The following GSE1 variants were observed in gnomAD, a reference collection of about 807,000 sequenced individuals.
GSE1 encodes genetic suppressor element 1.
A neutral mutation model predicts 112.6 loss-of-function variants in GSE1; 32 were observed. That is an observed-to-expected ratio of 0.28 (90% CI 0.21 to 0.38). The LOEUF (loss-of-function observed/expected upper bound fraction) is 0.38. Among genes scored for constraint, GSE1 ranks in the 10% least tolerant of loss-of-function variants. The pLI is 1.00. For missense variants in GSE1, 2,348 were observed against 1,699.2 expected, an observed-to-expected ratio of 1.38 and a Z score of -6.71; for synonymous variants, 1,115 against 735.6, an observed-to-expected ratio of 1.52 and a Z score of -8.35.
chr16:85,275,387 A>G (rs527324414), intron 1 of GSE1, among the ~76,000 whole-genome samples: 6 of 152,260 alleles, frequency 3.9e-5, no homozygotes, highest in Non-Finnish European at 8.8e-5. Flanking sequence ...CTGTCGGGAG[A>G]GCATGAGCCA....
chr16:85,569,776 T>C (rs944617079), intron 1 of GSE1, among the ~76,000 whole-genome samples: 10 of 152,210 alleles, frequency 6.6e-5, no homozygotes, highest in African/African-American at 1.4e-4. Context: ...GTGGCGTGCG[T>C]TGGGGAAAGC....
chr16:85,654,294 G>A lies in GSE1; in HGVS notation c.443G>A (p.Ser148Asn). The change falls in exon 4 of 16, where the codon AGC becomes AAC. Residue 148 changes from serine to asparagine, a missense_variant. Physicochemically the swap from Ser to Asn is conservative, Grantham distance 46 (BLOSUM62 1). Transcript: ENST00000253458. ...SESRQDAGSR[S>N]SSGGRERLIV... is the part of the protein sequence containing the mutation. ...CTCCCGCAGGATGCCGGCTCCAGGAGCAGCAGTGGAGGTCGGGAACGCCTC... is the reference window on the plus strand; with the variant it reads ...CTCCCGCAGGATGCCGGCTCCAGGAACAGCAGTGGAGGTCGGGAACGCCTC... 1.9e-6 allele frequency: 3 copies of A among 1,602,994 alleles called. No individual in the cohort carries two copies. The highest frequency in any genetic ancestry group is 2.6e-6 in the Non-Finnish European group (3 of 1,175,874).
At chr16:85,622,531 G>A (rs2048807121) in intron 1 of GSE1, among the ~76,000 whole-genome samples, 1 of 152,210 alleles carries the variant, frequency 6.6e-6, no homozygotes, top group African/African-American at 2.4e-5. Context: ...CTCCCACAGG[G>A]TTTACAGATA....
chr16:85,434,345 A>AATAATCATCATCATCATC (rs60129328), intron 2 of GSE1, among the ~76,000 whole-genome samples: 2 of 143,460 alleles, frequency 1.4e-5, no homozygotes, highest in African/African-American at 5.1e-5. Context: ...TAATAATAAT[A>AATAATCATCATCATCATC]ATCAGTGCCG....
intron 1 of GSE1, among the ~76,000 whole-genome samples, chr16:85,266,908 C>T (rs932072876): frequency 2.6e-5 from 4 of 152,148 alleles, no homozygotes; most frequent in African/African-American, 9.7e-5. Context: ...CCCTCTCCCC[C>T]TTGGTCCCCC....
At chr16:85,340,770 A>T (rs748012210) in intron 1 of GSE1, among the ~76,000 whole-genome samples, 6 of 151,670 alleles carry the variant, frequency 4.0e-5, no homozygotes, top group Non-Finnish European at 7.4e-5. Flanking sequence ...CAGCAGGTCA[A>T]GGGGTTTCTC....
chr16:85,187,334 C>T (rs1202331618), intron 1 of GSE1, among the ~76,000 whole-genome samples: 24 of 152,256 alleles, frequency 1.6e-4, no homozygotes, highest in Admixed American at 1.6e-3. Flanking sequence ...AGGGACAGAG[C>T]GACGCTGGGC....
At chr16:85,266,784 C>G (rs1054443129) in intron 1 of GSE1, among the ~76,000 whole-genome samples, 4 of 152,136 alleles carry the variant, frequency 2.6e-5, no homozygotes, top group Non-Finnish European at 5.9e-5. Context: ...CTAGTGGACT[C>G]TTGCAGGTAC....
intron 1 of GSE1, among the ~76,000 whole-genome samples, chr16:85,319,122 C>T (rs1241805300): frequency 1.3e-5 from 2 of 152,226 alleles, no homozygotes; most frequent in East Asian, 1.9e-4. Flanking sequence ...CGCTCACCCC[C>T]TCCCTTCTCC....
Position 85,426,439 on chromosome 16 carries a change from T to TGGAA in GSE1, c.2464+68811_2464+68814dup, listed in dbSNP as rs142082206. 3.7e-5 allele frequency among the ~76,000 whole-genome samples: 4 copies of TGGAA among 109,092 alleles called. No individual in the cohort carries two copies. In the East Asian group the frequency reaches 1.3e-3, roughly 34 times the overall value. 71.6% of individuals were successfully genotyped at this position (109,092 alleles called of 152,430 possible). On this transcript the variant is annotated intron_variant, in intron 2 of 2. Coordinates refer to the GSE1 transcript ENST00000637419. Reference sequence around the variant, plus strand: ...ATGAGTGAATGGATGAATGGGTGGGTGGAAGGAAGGAAGGAAGGGAGAAAG... The same window carrying TGGAA: ...ATGAGTGAATGGATGAATGGGTGGGTGGAAGGAAGGAAGGAAGGAAGGGAGAAAG...
rs146671571 is a variant in GSE1 at position 85,354,579 on chromosome 16, C to G, written c.2284-2884C>G. 6.7e-3 allele frequency among the ~76,000 whole-genome samples: 1,022 copies of G among 152,368 alleles called. 17 individuals carry two copies. The highest frequency in any genetic ancestry group is 0.023 in the African/African-American group (966 of 41,590). On this transcript the variant is annotated intron_variant, in intron 1 of 2. Transcript: ENST00000637419. ...GGGGCCTCTCAGCTTCTCTCTCCAG[C>G]AGAACCCTGGCCCCCCAGCTCCAGG...
intron 2 of GSE1, among the ~76,000 whole-genome samples, chr16:85,479,188 ATTTT>A (rs59825091): frequency 7.3e-5 from 6 of 82,498 alleles, no homozygotes; most frequent in African/African-American, 1.6e-4. Flanking sequence ...TGCCCGGCTA[ATTTT>A]TTTTTTTTTT....
chr16:85,340,868 G>T (rs28465210), intron 1 of GSE1, among the ~76,000 whole-genome samples: 5,014 of 152,258 alleles, frequency 0.033, 299 homozygotes, highest in African/African-American at 0.12. Flanking sequence ...CTCCACTCCC[G>T]GCTCTGCCCA....
chr16:85,228,608 A>C (rs570533601), intron 1 of GSE1, among the ~76,000 whole-genome samples: 20 of 152,334 alleles, frequency 1.3e-4, no homozygotes, highest in African/African-American at 4.3e-4. Flanking sequence ...GCGTGTCAGC[A>C]GTACAGTCCC....
At chr16:85,226,669 C>G (rs1044453218) in intron 1 of GSE1, among the ~76,000 whole-genome samples, 2 of 151,984 alleles carry the variant, frequency 1.3e-5, no homozygotes, top group Non-Finnish European at 2.9e-5. Context: ...ACAGGGGGCT[C>G]GGCATGGGGA....
At chr16:85,262,701 G>A (rs895560487) in intron 1 of GSE1, among the ~76,000 whole-genome samples, 2 of 152,212 alleles carry the variant, frequency 1.3e-5, no homozygotes, top group Non-Finnish European at 2.9e-5. Context: ...GAGACTCCAT[G>A]TGTGACCTTG....
At chr16:85,331,707 A>T (rs1345229070) in intron 1 of GSE1, among the ~76,000 whole-genome samples, 6,862 of 51,688 alleles carry the variant, frequency 0.13, 699 homozygotes, top group African/African-American at 0.16. Context: ...ATATATATAT[A>T]TTTTTTTTTT....
At chr16:85,518,555 A>G (rs1253000585) in intron 2 of GSE1, among the ~76,000 whole-genome samples, 4 of 152,030 alleles carry the variant, frequency 2.6e-5, no homozygotes, top group Non-Finnish European at 5.9e-5. Context: ...TCCGGCCCCA[A>G]TTCTGCCTTC....
chr16:85,294,411 G>A (rs747502528), intron 1 of GSE1, among the ~76,000 whole-genome samples: 6 of 152,170 alleles, frequency 3.9e-5, no homozygotes, highest in African/African-American at 1.2e-4. Flanking sequence ...TCCCAGCTGC[G>A]TGGTGTTCCA....
Sources: gnomAD v4.1 joint callset for allele counts (sites outside exome capture counted in the v4.1 genomes callset) on GRCh38, gnomAD v4.1.1 for gene constraint, MANE v1.5 for transcripts, NCBI Gene and HGNC (gene_info 2026-07-23, HGNC 2026-07-21) for gene names.